ARIH1: variants seen among roughly 807,000 people sequenced by gnomAD.
The protein encoded by ARIH1 is E3 ubiquitin-protein ligase ARIH1.
In ARIH1, 8 loss-of-function variants were observed where a neutral mutation model predicts 85.0. The observed-to-expected ratio is 0.09, with a 90% confidence interval of 0.06 to 0.17. The LOEUF is 0.17. Among genes scored for constraint, ARIH1 ranks in the 10% least tolerant of loss-of-function variants. ARIH1 has a pLI of 1.00. For synonymous variants in ARIH1, 238 were observed against 253.6 expected (o/e 0.94, Z 0.59); for missense variants, 311 against 718.1 (o/e 0.43, Z 6.48).
chr15:72,572,056 C>A (rs1391549309), intron 10 of ARIH1, 52 bp from the exon 11 acceptor site: 1 of 1,208,234 alleles, frequency 8.3e-7, no homozygotes, highest in Non-Finnish European at 1.2e-6. Flanking sequence ...TTTTTTTTTT[C>A]CTTTTCATTG....
rs763210544 is a variant in ARIH1, at chr15:72,590,434, A to C, written c.*7142A>C. ...GGTGACCTCAGATACACTGTTCAGAAGTACTCAAAGTATTCCTTTTTTCTC... is the reference window on the plus strand; with the variant it reads ...GGTGACCTCAGATACACTGTTCAGACGTACTCAAAGTATTCCTTTTTTCTC... On this transcript the variant is annotated 3_prime_UTR_variant, in exon 14 of 14. Transcript: ENST00000379887. 12 of 152,222 alleles carry C rather than the reference A, an allele frequency of 7.9e-5. No individual in the cohort carries two copies. The highest frequency in any genetic ancestry group is 1.6e-4 in the Non-Finnish European group (11 of 68,044). 9.4% of individuals were successfully genotyped at this position (152,222 alleles called of 1,614,324 possible). A position where few individuals can be genotyped will look rare whatever the true frequency, so the allele number is the denominator to read the frequency against.
At chr15:72,513,655 T>C (rs1037992318) in intron 1 of ARIH1, among the ~76,000 whole-genome samples, 60 of 150,004 alleles carry the variant, frequency 4.0e-4, no homozygotes, top group Non-Finnish European at 7.5e-4. Context: ...GCTTTTCTTT[T>C]AGAGCAGGTT....
intron 1 of ARIH1, among the ~76,000 whole-genome samples, chr15:72,508,026 A>G (rs1488778850): frequency 6.6e-6 from 1 of 152,206 alleles, no homozygotes; most frequent in African/African-American, 2.4e-5. Context: ...TCAGATAAAA[A>G]TGTTGGATGA....
At chr15:72,563,092 C>T (rs1027318473) in intron 6 of ARIH1, among the ~76,000 whole-genome samples, 2 of 152,206 alleles carry the variant, frequency 1.3e-5, no homozygotes, top group African/African-American at 4.8e-5. Flanking sequence ...CATTCTAACA[C>T]CCAGGCTGGA....
intron 1 of ARIH1, among the ~76,000 whole-genome samples, chr15:72,512,835 G>A (rs945254166): frequency 6.6e-6 from 1 of 152,038 alleles, no homozygotes; most frequent in East Asian, 1.9e-4. Context: ...ATTACTGAGA[G>A]AGGAGTGTTG....
rs182197270 is a variant in ARIH1, at chr15:72,572,084, G to C, written c.1158-24G>C. 1,374 of 1,484,086 alleles carry C rather than the reference G, an allele frequency of 9.3e-4. 13 individuals are homozygous for C. In the African/African-American group the frequency reaches 0.018, roughly 20 times the overall value. The allele number at this position is 1,484,086 out of a possible 1,614,324, so 91.9% of individuals were successfully genotyped here. A position where few individuals can be genotyped will look rare whatever the true frequency, so the allele number is the denominator to read the frequency against. ...TTTCATTGATTTTTTTTTTCTTTAT[G>C]GAATCCTCTTTATTTACTTGAAGGT... On this transcript the variant is annotated intron_variant, in intron 10 of 13. Transcript: ENST00000379887.
In ARIH1 at chr15:72,493,086, C is replaced by A. The variant is rs75169204; in HGVS notation, c.375+18072C>A. Among the ~76,000 whole-genome samples, 678 of 152,306 alleles carry A rather than the reference C, an allele frequency of 4.5e-3. 4 individuals are homozygous for A. Among genetic ancestry groups the A allele is most frequent in the African/African-American group, 0.016 (659 of 41,566 alleles). On this transcript the variant is annotated intron_variant, in intron 1 of 13. Coordinates refer to ENST00000379887, the MANE Select transcript of ARIH1 (RefSeq NM_005744.5). The stretch of plus-strand genomic sequence containing the variant: ...AATGTCTACTCTGGCTAAACCTTCA[C>A]AGCCACTTCCAGAAGACCTCTGATT...
chr15:72,541,033 A>AG (rs1279384740), intron 2 of ARIH1, among the ~76,000 whole-genome samples: 15 of 152,282 alleles, frequency 9.9e-5, no homozygotes, highest in Non-Finnish European at 1.5e-4. Context: ...AAGTGGGACC[A>AG]GGGGGCCAAC....
At position 72,589,237 on chromosome 15, in the gene ARIH1, T is replaced by C. The variant is rs187032408; in HGVS notation, c.*5945T>C. ...ACTTACTCAAAAGTTACACATTGAG[T>C]GTATAACAGGGCCATGCTTGTCTGA... is the stretch of plus-strand genomic sequence containing the variant. On this transcript the variant is annotated 3_prime_UTR_variant, in exon 14 of 14. Coordinates refer to ENST00000379887, the MANE Select transcript of ARIH1 (RefSeq NM_005744.5). 6.6e-6 allele frequency: 1 copy of C among 152,170 alleles called. No homozygotes were observed. The highest frequency in any genetic ancestry group is 1.5e-5 in the Non-Finnish European group (1 of 68,038). The allele number at this position is 152,170 out of a possible 1,614,324, so 9.4% of individuals were successfully genotyped here. A position where few individuals can be genotyped will look rare whatever the true frequency, so the allele number is the denominator to read the frequency against.
intron 1 of ARIH1, among the ~76,000 whole-genome samples, chr15:72,477,259 A>G (rs963646807): frequency 3.9e-5 from 6 of 152,096 alleles, no homozygotes; most frequent in African/African-American, 1.4e-4. Flanking sequence ...TCTTTTGCCC[A>G]TTGCCCCTCT....
chr15:72,600,253 C>G lies in ARIH1; in HGVS notation c.*16961C>G, dbSNP rs1352081019. ...AATGCCATTTTTTTTGTATGCCCAG[C>G]ACAGCTATATGATTTGAATAATCTT... On this transcript the variant is annotated 3_prime_UTR_variant, in exon 14 of 14. Coordinates refer to ENST00000379887, the MANE Select transcript of ARIH1 (RefSeq NM_005744.5). The G allele has an allele frequency of 6.6e-6, 1 of 152,134 alleles. No homozygotes were observed. The highest frequency in any genetic ancestry group is 2.4e-5 in the African/African-American group (1 of 41,408). The allele number at this position is 152,134 out of a possible 1,614,324, so 9.4% of individuals were successfully genotyped here.
At chr15:72,569,534 G>A (rs1461653648) in intron 9 of ARIH1, among the ~76,000 whole-genome samples, 1 of 152,082 alleles carries the variant, frequency 6.6e-6, no homozygotes, top group Non-Finnish European at 1.5e-5. Flanking sequence ...TGACTTATGT[G>A]ACCTTGGACT....
chr15:72,526,807 CA>C (rs2064030404), intron 2 of ARIH1, among the ~76,000 whole-genome samples: 1 of 150,044 alleles, frequency 6.7e-6, no homozygotes, highest in African/African-American at 2.4e-5. Context: ...TTCTTTTATC[CA>C]TTATAGCAGT....
intron 2 of ARIH1, among the ~76,000 whole-genome samples, chr15:72,543,054 T>C (rs1440916300): frequency 6.7e-6 from 1 of 149,548 alleles, no homozygotes; most frequent in Non-Finnish European, 1.5e-5. Flanking sequence ...TGCCTCACCC[T>C]CCTGAGTAGC....
rs140383774 is a variant in ARIH1 at position 72,545,505 on chromosome 15, C to T, written c.588+541C>T. Among the ~76,000 whole-genome samples the T allele has an allele frequency of 9.9e-5, 15 of 152,282 alleles. No homozygotes were observed. The East Asian group carries it at 2.9e-3, about 29-fold the overall frequency. ...AGAACCAAAGAACTGATGTTAATCC[C>T]TTAAGTACAAATAACCTTCCTAAAA... is the stretch of plus-strand genomic sequence containing the variant. On this transcript the variant is annotated intron_variant, in intron 3 of 13. Transcript: ENST00000379887.
chr15:72,564,004 A>G (rs981381891), intron 7 of ARIH1, among the ~76,000 whole-genome samples: 5 of 152,136 alleles, frequency 3.3e-5, no homozygotes, highest in African/African-American at 4.8e-5. Flanking sequence ...AACTGCCAGG[A>G]AGTTTCCAGT....
chr15:72,560,248 TATG>T (rs1334839371), intron 5 of ARIH1, among the ~76,000 whole-genome samples: 1 of 152,140 alleles, frequency 6.6e-6, no homozygotes, highest in Admixed American at 6.6e-5. Flanking sequence ...TAATTAAAAT[TATG>T]ATAATTTCTA....
chr15:72,550,063 A>G (rs1174518518), intron 3 of ARIH1, among the ~76,000 whole-genome samples: 1 of 152,218 alleles, frequency 6.6e-6, no homozygotes, highest in Non-Finnish European at 1.5e-5. Flanking sequence ...ATGAATATGT[A>G]TCTTTAGACT....
chr15:72,504,944 G>C (rs552300076), intron 1 of ARIH1, among the ~76,000 whole-genome samples: 7 of 152,220 alleles, frequency 4.6e-5, no homozygotes, highest in Non-Finnish European at 8.8e-5. Flanking sequence ...TACCTTTAAA[G>C]GGAAGAAAAA....
Sources: gnomAD v4.1 joint callset for allele counts (sites outside exome capture counted in the v4.1 genomes callset) on GRCh38, gnomAD v4.1.1 for gene constraint, MANE v1.5 for transcripts, NCBI Gene and HGNC (gene_info 2026-07-23, HGNC 2026-07-21) for gene names.